Variants in PSEN2 observed in about 807,000 individuals in gnomAD.
PSEN2 encodes the protein presenilin 2.
In PSEN2, 32 loss-of-function variants were observed where a neutral mutation model predicts 49.1. The ratio of observed to expected loss-of-function variants is 0.65; its 90% CI spans 0.49 to 0.88. The LOEUF is 0.88. Among genes scored for constraint, PSEN2 ranks in the 40% least tolerant of loss-of-function variants. PSEN2 has a pLI of 0.00. For missense variants in PSEN2, 522 were observed against 586.9 expected (o/e 0.89, Z 1.14); for synonymous variants, 255 against 244.0 (o/e 1.05, Z -0.42).
intron 11 of PSEN2, among the ~76,000 whole-genome samples, chr1:226,893,487 C>G (rs959256299): frequency 6.6e-6 from 1 of 152,166 alleles, no homozygotes; most frequent in Non-Finnish European, 1.5e-5. Context: ...CTAAAGAAAA[C>G]AAACGAGAGC....
In PSEN2 at chr1:226,888,851, G is replaced by A. The variant is rs770238439; in HGVS notation, c.589G>A (p.Val197Met). 33 of 1,614,048 alleles carry A rather than the reference G, an allele frequency of 2.0e-5. No individual in the cohort carries two copies. Among genetic ancestry groups the A allele is most frequent in the Admixed American group, 3.3e-5 (2 of 60,000 alleles). ...CAGGGAAGTGCTCAAGACCTACAAT[G>A]TGGCCATGGACTACCCCACCCTCTT... ...YLGEVLKTYN[V>M]AMDYPTLLLT... is the part of the protein sequence containing the mutation. The change falls in exon 8 of 13, where the codon GTG (valine) becomes ATG (methionine). Residue 197 changes from valine (V) to methionine (M), a missense_variant. By Grantham distance (21) the Val-to-Met change is conservative. Coordinates refer to ENST00000366783, the MANE Select transcript of PSEN2 (RefSeq NM_000447.3).
chr1:226,883,625 T>C (rs1377778139), intron 4 of PSEN2, 80 bp from the exon 5 acceptor site: 2 of 1,342,622 alleles, frequency 1.5e-6, no homozygotes, highest in Non-Finnish European at 2.1e-6. Context: ...TTCTCATTTC[T>C]GGTTCCAAAA....
intron 3 of PSEN2, among the ~76,000 whole-genome samples, chr1:226,877,251 T>C (rs1660693300): frequency 6.6e-6 from 1 of 152,186 alleles, no homozygotes; most frequent in African/African-American, 2.4e-5. Flanking sequence ...TGGGTGAGGA[T>C]GGAGCTTGGA....
At chr1:226,893,281 G>C (rs553162115) in intron 11 of PSEN2, among the ~76,000 whole-genome samples, 1 of 152,348 alleles carries the variant, frequency 6.6e-6, no homozygotes, top group East Asian at 1.9e-4. Flanking sequence ...CAAATGAAGA[G>C]ACAGTGAAGA....
intron 3 of PSEN2, among the ~76,000 whole-genome samples, chr1:226,879,644 C>T (rs1287037943): frequency 6.6e-6 from 1 of 152,200 alleles, no homozygotes; most frequent in Non-Finnish European, 1.5e-5. Context: ...TGAGCCCCCT[C>T]CTCCAAACTC....
chr1:226,870,692 C>T (rs916361695), intron 1 of PSEN2, 43 bp downstream of exon 1: 4 of 152,114 alleles, frequency 2.6e-5, no homozygotes, highest in African/African-American at 9.7e-5. Flanking sequence ...AGGGCCCTGT[C>T]GCCTGCGGCG....
At chr1:226,888,052 T>C in intron 6 of PSEN2, 39 bp from the exon 7 acceptor site, 1 of 1,562,944 alleles carries the variant, frequency 6.4e-7, no homozygotes, top group South Asian at 1.1e-5. Context: ...TTTGTGGCGC[T>C]TGGGGACACC....
intron 2 of PSEN2, among the ~76,000 whole-genome samples, chr1:226,872,605 T>A (rs931346542): frequency 2.5e-4 from 38 of 152,176 alleles, no homozygotes; most frequent in African/African-American, 8.7e-4. Context: ...ACAAACAAAA[T>A]TTTTTTAAAG....
At chr1:226,871,963 A>G (rs1448260287) in intron 2 of PSEN2, among the ~76,000 whole-genome samples, 1 of 152,216 alleles carries the variant, frequency 6.6e-6, no homozygotes, top group Non-Finnish European at 1.5e-5. Flanking sequence ...GCTTGGGGGC[A>G]TGTTGCTTTG....
At chr1:226,900,524 C>T (rs531407114), downstream of PSEN2, among the ~76,000 whole-genome samples, 4 of 152,278 alleles carry the variant, frequency 2.6e-5, no homozygotes, top group South Asian at 2.1e-4. Context: ...TGTGGTCACC[C>T]GCTGAGAAGG....
rs1661544794 is a variant in PSEN2 at position 226,888,870 on chromosome 1, C to T, written c.608C>T (p.Thr203Ile). 3.1e-6 allele frequency: 5 copies of T among 1,614,224 alleles called. No individual in the cohort carries two copies. Among genetic ancestry groups the T allele is most frequent in the East Asian group, 2.2e-5 (1 of 44,886 alleles). The change falls in exon 8 of 13, where the codon ACC (threonine) becomes ATC (isoleucine). Residue 203 changes from threonine (T) to isoleucine (I), a missense_variant. Physicochemically the swap from Thr to Ile is moderately conservative, Grantham distance 89. Coordinates refer to ENST00000366783, the MANE Select transcript of PSEN2 (RefSeq NM_000447.3). ...KTYNVAMDYPTLLLTVWNFGA... is the reference protein window; with the variant it reads ...KTYNVAMDYPILLLTVWNFGA... ...TACAATGTGGCCATGGACTACCCCA[C>T]CCTCTTGCTGACTGTCTGGAACTTC...
chr1:226,902,069 A>T (rs1254710201), intron 12 of PSEN2, among the ~76,000 whole-genome samples: 1 of 152,050 alleles, frequency 6.6e-6, no homozygotes, highest in African/African-American at 2.4e-5. Context: ...ATCTTTAGGG[A>T]CCAGGGACTG....
intron 12 of PSEN2, among the ~76,000 whole-genome samples, chr1:226,894,591 C>T (rs574184673): frequency 2.6e-5 from 4 of 152,312 alleles, no homozygotes; most frequent in South Asian, 4.1e-4. Flanking sequence ...GGGGTGGCCC[C>T]GTTACTGTGA....
chr1:226,903,586 C>T (rs1010557798), intron 12 of PSEN2: 7 of 152,112 alleles, frequency 4.6e-5, no homozygotes, highest in Admixed American at 4.6e-4. Context: ...TCTACCTGAT[C>T]CTGCTGCCCT....
chr1:226,893,770 C>G lies in PSEN2; in HGVS notation c.1073-237C>G, dbSNP rs940735435. On this transcript the variant is annotated intron_variant, in intron 11 of 12. Coordinates refer to ENST00000366783, the MANE Select transcript of PSEN2 (RefSeq NM_000447.3). ...GTTTTACCTGAGTTTCAGAACTGCC[C>G]GCTTTTCTCTGCCCAGGTTGTAAGT... is the stretch of plus-strand genomic sequence containing the variant. Among the ~76,000 whole-genome samples, 4 of 152,176 alleles carry G rather than the reference C, an allele frequency of 2.6e-5. No homozygotes were observed. In the East Asian group the frequency reaches 5.8e-4, roughly 22 times the overall value.
At chr1:226,900,455 A>G (rs544945272), downstream of PSEN2, among the ~76,000 whole-genome samples, 1 of 152,340 alleles carries the variant, frequency 6.6e-6, no homozygotes, top group East Asian at 1.9e-4. Context: ...GCATGCCTGC[A>G]GTTTGTGATT....
chr1:226,890,963 A>G, intron 9 of PSEN2: 2 of 407,590 alleles, frequency 4.9e-6, no homozygotes, highest in Non-Finnish European at 4.5e-6. Context: ...CATGTATGGA[A>G]AGGTAGTGCC....
chr1:226,880,445 C>T (rs1483064812), intron 3 of PSEN2: 14 of 1,320,516 alleles, frequency 1.1e-5, no homozygotes, highest in South Asian at 1.5e-5. Flanking sequence ...TTCAGCAGAG[C>T]GCACACCTGC....
intron 2 of PSEN2, 45 bp from the exon 3 acceptor site, chr1:226,875,320 T>C (rs1442140471): frequency 1.3e-5 from 2 of 152,354 alleles, no homozygotes; most frequent in African/African-American, 4.8e-5. Context: ...TGTGGGCAAT[T>C]GTCTGGGTAT....
Sources: allele counts gnomAD v4.1 joint callset (sites outside exome capture counted in the v4.1 genomes callset), GRCh38; gene constraint gnomAD v4.1.1; transcripts MANE v1.5; gene names NCBI Gene and HGNC (gene_info 2026-07-23, HGNC 2026-07-21).